NKAIN2: variants seen among roughly 807,000 people sequenced by gnomAD.
The protein encoded by NKAIN2 is sodium/potassium-transporting ATPase subunit beta-1-interacting protein 2.
Under a neutral mutation model 32.6 loss-of-function variants are expected in NKAIN2, and 14 were observed. The observed-to-expected ratio is 0.43, with a 90% CI of 0.28 to 0.67. The LOEUF (loss-of-function observed/expected upper bound fraction) is 0.67, where lower values mean the gene tolerates loss of function less well. Ranked by LOEUF, NKAIN2 falls within the 30% of genes least tolerant of loss-of-function variation. The probability of loss-of-function intolerance (pLI) is 0.17; values close to 1 mark genes in which losing one functional copy is unlikely to be tolerated. For missense variants in NKAIN2, 198 were observed against 258.3 expected (o/e 0.77, Z 1.60); for synonymous variants, 80 against 87.2 (o/e 0.92, Z 0.46).
intron 3 of NKAIN2, among the ~76,000 whole-genome samples, chr6:124,562,330 C>G (rs1583443300): frequency 6.6e-6 from 1 of 152,186 alleles, no homozygotes; most frequent in Admixed American, 6.5e-5. Flanking sequence ...TATTCAGACT[C>G]TCTTAGATCA....
intron 4 of NKAIN2, among the ~76,000 whole-genome samples, chr6:124,771,255 C>G (rs556477472): frequency 6.6e-6 from 1 of 152,232 alleles, no homozygotes; most frequent in East Asian, 1.9e-4. Context: ...ATGTTTAACA[C>G]AGAGATTCAT....
intron 2 of NKAIN2, among the ~76,000 whole-genome samples, chr6:124,309,283 G>C (rs889551408): frequency 1.3e-5 from 2 of 152,014 alleles, no homozygotes; most frequent in Non-Finnish European, 2.9e-5. Context: ...CTCAAGCCTG[G>C]AACTAATTAT....
intron 1 of NKAIN2, among the ~76,000 whole-genome samples, chr6:123,900,532 GT>G (rs34370743): frequency 5.5e-4 from 18 of 32,778 alleles, no homozygotes; most frequent in South Asian, 2.1e-3. Context: ...CTCCAGATTA[GT>G]TTTTTTTTTT....
chr6:124,621,011 T>C (rs1231797104), intron 3 of NKAIN2, among the ~76,000 whole-genome samples: 1 of 152,170 alleles, frequency 6.6e-6, no homozygotes, highest in Admixed American at 6.5e-5. Flanking sequence ...CCTGTTTGTG[T>C]GTTAGTCCTA....
chr6:123,907,977 C>T (rs1434031494), intron 1 of NKAIN2, among the ~76,000 whole-genome samples: 2 of 152,090 alleles, frequency 1.3e-5, no homozygotes, highest in East Asian at 3.9e-4. Context: ...AATTTATGCC[C>T]TGTATTTTGT....
At chr6:124,550,628 T>G (rs574392440) in intron 3 of NKAIN2, among the ~76,000 whole-genome samples, 1 of 152,284 alleles carries the variant, frequency 6.6e-6, no homozygotes, top group East Asian at 1.9e-4. Flanking sequence ...GGATTTTGTA[T>G]GATAGTGATG....
At chr6:123,922,490 G>T (rs1283793417) in intron 1 of NKAIN2, among the ~76,000 whole-genome samples, 1 of 152,150 alleles carries the variant, frequency 6.6e-6, no homozygotes, top group African/African-American at 2.4e-5. Context: ...ACTTTTAGAT[G>T]AATATTGTAA....
chr6:124,711,898 C>G (rs973665922), intron 4 of NKAIN2, among the ~76,000 whole-genome samples: 34 of 152,170 alleles, frequency 2.2e-4, no homozygotes, highest in South Asian at 6.2e-4. Context: ...AGGCACTCTG[C>G]GTTTTAGAGT....
At chr6:124,486,170 AAGG>A (rs1353240495) in intron 3 of NKAIN2, among the ~76,000 whole-genome samples, 1 of 152,216 alleles carries the variant, frequency 6.6e-6, no homozygotes, top group Non-Finnish European at 1.5e-5. Flanking sequence ...AATGAAACAT[AAGG>A]AGAATGCTGT....
At chr6:124,498,281 C>G (rs1383190253) in intron 3 of NKAIN2, among the ~76,000 whole-genome samples, 1 of 152,014 alleles carries the variant, frequency 6.6e-6, no homozygotes, top group Non-Finnish European at 1.5e-5. Flanking sequence ...GCAAGCAGAT[C>G]GGATTTTATT....
chr6:124,321,460 A>G (rs1428476367), intron 2 of NKAIN2, among the ~76,000 whole-genome samples: 1 of 152,188 alleles, frequency 6.6e-6, no homozygotes, highest in Non-Finnish European at 1.5e-5. Flanking sequence ...CCAGAACTTA[A>G]AGTATAATAA....
intron 1 of NKAIN2, among the ~76,000 whole-genome samples, chr6:123,978,135 G>A (rs1485413088): frequency 2.6e-5 from 4 of 151,986 alleles, no homozygotes; most frequent in Admixed American, 2.0e-4. Flanking sequence ...TGGAATTAAG[G>A]CATTTTGTTT....
At chr6:124,255,265 A>G (rs1793874147) in intron 1 of NKAIN2, among the ~76,000 whole-genome samples, 1 of 152,238 alleles carries the variant, frequency 6.6e-6, no homozygotes, top group Non-Finnish European at 1.5e-5. Context: ...ATTTGTATTT[A>G]TGACAGCCAT....
chr6:123,826,028 A>G (rs1774133750), intron 1 of NKAIN2, among the ~76,000 whole-genome samples: 3 of 152,142 alleles, frequency 2.0e-5, no homozygotes, highest in South Asian at 4.1e-4. Flanking sequence ...GTGTCTTAGG[A>G]TAACATTTAG....
At chr6:124,450,659 TATTA>T (rs777801912) in intron 3 of NKAIN2, among the ~76,000 whole-genome samples, 1 of 151,796 alleles carries the variant, frequency 6.6e-6, no homozygotes, top group Non-Finnish European at 1.5e-5. Context: ...CTGATAAGAA[TATTA>T]ATTGATTCTG....
At chr6:124,810,772 G>C (rs1206414200) in intron 5 of NKAIN2, among the ~76,000 whole-genome samples, 1 of 152,068 alleles carries the variant, frequency 6.6e-6, no homozygotes, top group Non-Finnish European at 1.5e-5. Flanking sequence ...CGAAGCATCT[G>C]CGGTGATTTA....
chr6:123,872,381 C>T (rs529203158), intron 1 of NKAIN2, among the ~76,000 whole-genome samples: 7 of 152,266 alleles, frequency 4.6e-5, no homozygotes, highest in Middle Eastern at 3.4e-3. Flanking sequence ...TGTTTACAAC[C>T]GTGTGCATTT....
intron 1 of NKAIN2, among the ~76,000 whole-genome samples, chr6:123,848,967 A>G (rs1775203875): frequency 6.6e-6 from 1 of 152,240 alleles, no homozygotes; most frequent in Non-Finnish European, 1.5e-5. Context: ...TTTAAAAATC[A>G]TATGACATGG....
At chr6:124,466,617 C>T (rs1490606489) in intron 3 of NKAIN2, among the ~76,000 whole-genome samples, 1 of 151,832 alleles carries the variant, frequency 6.6e-6, no homozygotes, top group Non-Finnish European at 1.5e-5. Context: ...AATAGGTCTT[C>T]TCAGTGGAGA....
Sources: allele counts gnomAD v4.1 joint callset (sites outside exome capture counted in the v4.1 genomes callset), GRCh38; gene constraint gnomAD v4.1.1; transcripts MANE v1.5; gene names NCBI Gene and HGNC (gene_info 2026-07-23, HGNC 2026-07-21).